The following SLC20A2 variants were observed in gnomAD, a reference collection of about 807,000 sequenced individuals.
SLC20A2 encodes the protein sodium-dependent phosphate transporter 2.
Under a neutral mutation model 61.0 loss-of-function variants are expected in SLC20A2, and 30 were observed. The ratio of observed to expected loss-of-function variants is 0.49; its 90% CI spans 0.37 to 0.67. The LOEUF is 0.67. SLC20A2 is among the 30% of genes least tolerant of loss of function. The pLI is 0.00. For missense variants in SLC20A2, 626 were observed against 866.4 expected (o/e 0.72, Z 3.48); for synonymous variants, 351 against 353.3 (o/e 0.99, Z 0.07).
intron 5 of SLC20A2, among the ~76,000 whole-genome samples, chr8:42,459,032 G>A (rs1415604663): frequency 3.4e-5 from 5 of 147,510 alleles, no homozygotes; most frequent in Admixed American, 3.4e-4. Flanking sequence ...CAGCACTTTG[G>A]GAGGTCGAGG....
At chr8:42,540,555 G>A (rs983694326) in intron 1 of SLC20A2, among the ~76,000 whole-genome samples, 4 of 152,176 alleles carry the variant, frequency 2.6e-5, no homozygotes, top group African/African-American at 9.7e-5. Context: ...AATTAAGCTA[G>A]TATGTTATTG....
rs188662069 is a variant in SLC20A2 at position 42,442,199 on chromosome 8, C to T, written c.730+2447G>A. On this transcript the variant is annotated intron_variant, in intron 6 of 10. Transcript: ENST00000520262. ...CTGCCTGCCTCAGCCTCCTAAAGTT[C>T]TGGGATTACAGGCGTGAGCCACCAT... Among the ~76,000 whole-genome samples the T allele has an allele frequency of 3.0e-3, 464 of 152,306 alleles. 3 individuals are homozygous for T. The highest frequency in any genetic ancestry group is 0.01 in the African/African-American group (435 of 41,564).
intron 6 of SLC20A2, among the ~76,000 whole-genome samples, chr8:42,443,688 A>C (rs919292957): frequency 9.2e-5 from 14 of 151,950 alleles, no homozygotes; most frequent in Non-Finnish European, 1.8e-4. Flanking sequence ...GCACACTCTA[A>C]ACCCCTTCCC....
At chr8:42,487,465 C>A (rs536655178) in intron 1 of SLC20A2, among the ~76,000 whole-genome samples, 1 of 152,314 alleles carries the variant, frequency 6.6e-6, no homozygotes, top group East Asian at 1.9e-4. Flanking sequence ...GCGTGAGCCA[C>A]CGTGCCCGGC....
rs541964044 is a variant in SLC20A2 at position 42,525,530 on chromosome 8, T to C, written c.-265+16291A>G. 8.3e-5 allele frequency among the ~76,000 whole-genome samples: 11 copies of C among 132,720 alleles called. No homozygotes were observed. The South Asian group carries it at 2.5e-3, about 30-fold the overall frequency. 87.1% of individuals were successfully genotyped at this position (132,720 alleles called of 152,430 possible). A position where few individuals can be genotyped will look rare whatever the true frequency, so the allele number is the denominator to read the frequency against. ...CTGGGAGGTGGAGGTTGCGATGAGC[T>C]GAGATCGCACCACTGCACTCCAGCC... On this transcript the variant is annotated intron_variant, in intron 1 of 10. Transcript: ENST00000342228.
intron 8 of SLC20A2, among the ~76,000 whole-genome samples, chr8:42,436,003 G>A (rs1411563820): frequency 2.6e-5 from 4 of 152,038 alleles, no homozygotes; most frequent in Admixed American, 2.6e-4. Context: ...TAATCCCAGC[G>A]GCTTGGGAAG....
intron 1 of SLC20A2, among the ~76,000 whole-genome samples, chr8:42,530,909 G>A (rs966791384): frequency 6.6e-6 from 1 of 152,040 alleles, no homozygotes; most frequent in Admixed American, 6.6e-5. Flanking sequence ...TAGTAGAGAT[G>A]AGGTTTTACC....
intron 1 of SLC20A2, among the ~76,000 whole-genome samples, chr8:42,490,487 C>G (rs939508232): frequency 6.6e-6 from 1 of 152,198 alleles, no homozygotes; most frequent in Non-Finnish European, 1.5e-5. Flanking sequence ...ATCCCAGCTT[C>G]TCAGGAGGCT....
At chr8:42,537,676 G>A (rs1812795465) in intron 1 of SLC20A2, 1 of 152,128 alleles carries the variant, frequency 6.6e-6, no homozygotes, top group Admixed American at 6.5e-5. Context: ...TCAAACTTCA[G>A]TTTCTCTCCA....
chr8:42,451,614 T>A (rs970065011), intron 5 of SLC20A2, among the ~76,000 whole-genome samples: 13 of 78,114 alleles, frequency 1.7e-4, no homozygotes, highest in East Asian at 4.0e-4. Flanking sequence ...GAGGAAGAGA[T>A]GAAGAGGAGG....
chr8:42,506,462 C>T (rs4436107), intron 1 of SLC20A2, among the ~76,000 whole-genome samples: 10,176 of 152,190 alleles, frequency 0.067, 436 homozygotes, highest in Middle Eastern at 0.16. Flanking sequence ...CATAAACGGC[C>T]GGGGCCATTA....
intron 1 of SLC20A2, among the ~76,000 whole-genome samples, chr8:42,479,031 C>T (rs573539853): frequency 7.6e-4 from 116 of 152,160 alleles, no homozygotes; most frequent in Admixed American, 3.4e-3. Context: ...GAAGACGGAT[C>T]GAGGAGGGGC....
chr8:42,524,026 T>C (rs552352137), intron 1 of SLC20A2, among the ~76,000 whole-genome samples: 1 of 152,306 alleles, frequency 6.6e-6, no homozygotes, highest in East Asian at 1.9e-4. Context: ...AATAGGAGAT[T>C]ATTTCTTCCA....
intron 1 of SLC20A2, among the ~76,000 whole-genome samples, chr8:42,527,499 C>T (rs747723896): frequency 2.4e-4 from 37 of 152,114 alleles, no homozygotes; most frequent in East Asian, 9.7e-4. Context: ...GGGAAAAGGC[C>T]GGATGCAGTG....
chr8:42,533,654 C>CTTTTTTTTTTTTTT (rs1162369065), intron 1 of SLC20A2, among the ~76,000 whole-genome samples: 14 of 55,306 alleles, frequency 2.5e-4, no homozygotes, highest in African/African-American at 6.5e-4. Flanking sequence ...ATCAACTGTT[C>CTTTTTTTTTTTTTT]TTTTTTTTTT....
At chr8:42,436,399 A>T (rs1056388504) in intron 8 of SLC20A2, among the ~76,000 whole-genome samples, 13 of 152,258 alleles carry the variant, frequency 8.5e-5, no homozygotes, top group Non-Finnish European at 7.4e-5. Flanking sequence ...GCCTTTGCCA[A>T]GGCCACGGCT....
upstream of SLC20A2, among the ~76,000 whole-genome samples, chr8:42,505,199 C>T (rs1352309591): frequency 6.6e-6 from 1 of 151,984 alleles, no homozygotes; most frequent in Non-Finnish European, 1.5e-5. Flanking sequence ...ACCTCCACCT[C>T]CCAGGCTCAA....
intron 1 of SLC20A2, among the ~76,000 whole-genome samples, chr8:42,532,956 T>C (rs948642459): frequency 2.0e-5 from 3 of 150,330 alleles, no homozygotes; most frequent in South Asian, 2.1e-4. Context: ...AGGGAGGGAG[T>C]AGGCAAAATA....
rs1811649869 is a variant in SLC20A2, at chr8:42,522,523, A to C, written c.-265+19298T>G. Reference sequence around the variant, plus strand: ...TGGTGAAACCCTGTCTCCACTAAAAATACAAAAACCAGCTGAGTGTGGCAG... The same window carrying C: ...TGGTGAAACCCTGTCTCCACTAAAACTACAAAAACCAGCTGAGTGTGGCAG... On this transcript the variant is annotated intron_variant, in intron 1 of 10. Transcript: ENST00000342228. Among the ~76,000 whole-genome samples the C allele has an allele frequency of 1.7e-5, 2 of 119,304 alleles. 1 individual carries two copies. Among genetic ancestry groups the C allele is most frequent in the South Asian group, 6.1e-4 (2 of 3,298 alleles). The allele number at this position is 119,304 out of a possible 152,430, so 78.3% of individuals were successfully genotyped here. A position where few individuals can be genotyped will look rare whatever the true frequency, so the allele number is the denominator to read the frequency against.
Sources: allele counts gnomAD v4.1 joint callset (sites outside exome capture counted in the v4.1 genomes callset), GRCh38; gene constraint gnomAD v4.1.1; transcripts MANE v1.5; gene names NCBI Gene and HGNC (gene_info 2026-07-23, HGNC 2026-07-21).